Variants in EXO1 observed in about 807,000 individuals in gnomAD.
EXO1 encodes the protein exonuclease 1.
In EXO1, 69 loss-of-function variants were observed where a neutral mutation model predicts 84.5. That is an observed-to-expected ratio of 0.82 (90% CI 0.67 to 1.00). EXO1 has a LOEUF of 1.00. EXO1 is among the 50% of genes least tolerant of loss of function. The probability of loss-of-function intolerance (pLI) is 0.00; values close to 1 mark genes in which losing one functional copy is unlikely to be tolerated. For missense variants in EXO1, 1,045 were observed against 1,000.7 expected (o/e 1.04, Z -0.60); for synonymous variants, 373 against 366.1 (o/e 1.02, Z -0.21).
chr1:241,859,283 G>A (rs1661240520), intron 8 of EXO1, among the ~76,000 whole-genome samples: 1 of 152,090 alleles, frequency 6.6e-6, no homozygotes, highest in Non-Finnish European at 1.5e-5. Context: ...ATACATTTAT[G>A]CAAATCTCTT....
chr1:241,852,602 C>T (rs931404060), intron 5 of EXO1, among the ~76,000 whole-genome samples, 191 bp downstream of exon 5: 36 of 152,162 alleles, frequency 2.4e-4, no homozygotes, highest in African/African-American at 8.4e-4. Context: ...CTATGATCAT[C>T]GCTGTGAAGA....
chr1:241,875,186 A>G (rs918494075), intron 12 of EXO1, among the ~76,000 whole-genome samples: 1 of 151,964 alleles, frequency 6.6e-6, no homozygotes, highest in Non-Finnish European at 1.5e-5. Context: ...ATGTTTTTAG[A>G]AGAAATGGGG....
intron 6 of EXO1, among the ~76,000 whole-genome samples, chr1:241,855,939 C>T (rs1490125973): frequency 6.6e-6 from 1 of 152,172 alleles, no homozygotes; most frequent in African/African-American, 2.4e-5. Flanking sequence ...CGCGCAGCCC[C>T]AGTTCTCGCT....
chr1:241,848,910 A>G lies in EXO1; in HGVS notation c.-240A>G, dbSNP rs1660497654. On this transcript the variant is annotated 5_prime_UTR_variant, in exon 2 of 16. Coordinates refer to ENST00000366548, the MANE Select transcript of EXO1 (RefSeq NM_130398.4). The surrounding 1 kb of genome is among the most constrained non-coding windows in gnomAD (Gnocchi z 4.2). ...TCAGCCATTCTTACTACGCTAAAGA[A>G]GAAATAATTATTCGAGGATATTTGC... 1 of 152,234 alleles carries G rather than the reference A, an allele frequency of 6.6e-6. No individual in the cohort carries two copies. Among genetic ancestry groups the G allele is most frequent in the Non-Finnish European group, 1.5e-5 (1 of 68,050 alleles). 9.4% of individuals were successfully genotyped at this position (152,234 alleles called of 1,614,324 possible). A position where few individuals can be genotyped will look rare whatever the true frequency, so the allele number is the denominator to read the frequency against.
chr1:241,852,515 T>C, intron 5 of EXO1, 104 bp downstream of exon 5: 1 of 1,073,610 alleles, frequency 9.3e-7, no homozygotes, highest in Non-Finnish European at 1.4e-6. Flanking sequence ...CTCAGTGGCT[T>C]GCACCTGTTG....
At chr1:241,854,309 G>C (rs1660836452) in intron 6 of EXO1, among the ~76,000 whole-genome samples, 1 of 152,114 alleles carries the variant, frequency 6.6e-6, no homozygotes, top group South Asian at 2.1e-4. Context: ...GGCTACTTTT[G>C]TATTTTTAGT....
At chr1:241,888,197 G>C (rs892733733) in intron 15 of EXO1, among the ~76,000 whole-genome samples, 1 of 152,016 alleles carries the variant, frequency 6.6e-6, no homozygotes, top group Admixed American at 6.6e-5. Context: ...CTGAGATTGC[G>C]GCACTGCACT....
chr1:241,875,814 G>C (rs957326425), intron 12 of EXO1, among the ~76,000 whole-genome samples: 3 of 152,214 alleles, frequency 2.0e-5, no homozygotes, highest in Admixed American at 6.5e-5. Flanking sequence ...GGAGGCGGAG[G>C]TTGCAGTGAG....
chr1:241,860,799 CATTA>C, intron 9 of EXO1, 95 bp downstream of exon 9: 1 of 997,368 alleles, frequency 1.0e-6, no homozygotes, highest in Non-Finnish European at 1.6e-6. Context: ...AAAGCTTGCA[CATTA>C]TTTTTTGCTC....
chr1:241,854,059 T>C (rs1226039845), intron 6 of EXO1, among the ~76,000 whole-genome samples: 4 of 152,164 alleles, frequency 2.6e-5, no homozygotes, highest in African/African-American at 9.7e-5. Flanking sequence ...CTGTAAATCT[T>C]AGTGTCAAGG....
intron 12 of EXO1, among the ~76,000 whole-genome samples, chr1:241,875,697 TGAAA>T (rs1172009025): frequency 6.6e-6 from 1 of 152,018 alleles, no homozygotes; most frequent in African/African-American, 2.4e-5. Context: ...GCTAACATGG[TGAAA>T]CCCCATCTCT....
chr1:241,882,696 A>G (rs1167266149), intron 14 of EXO1, among the ~76,000 whole-genome samples: 3 of 152,154 alleles, frequency 2.0e-5, no homozygotes, highest in South Asian at 2.1e-4. Flanking sequence ...GTTGATTAAT[A>G]TGTGTTTAAC....
Position 241,889,728 on chromosome 1 carries a change from AT to A in EXO1, c.*132del, listed in dbSNP as rs4150021. On this transcript the variant is annotated 3_prime_UTR_variant, in exon 16 of 16. Transcript: ENST00000366548. ...CTGTGCCATTTTAAAAATAGAATAC[AT>A]TTTGTATATTAACTTTATAATTGGG... 158,839 of 893,028 alleles carry A rather than the reference AT, an allele frequency of 0.18. 16,922 individuals carry two copies. The highest frequency in any genetic ancestry group is 0.42 in the East Asian group (16,432 of 39,330). 55.3% of individuals were successfully genotyped at this position (893,028 alleles called of 1,614,324 possible).
chr1:241,883,533 G>A (rs1397494744), intron 14 of EXO1, among the ~76,000 whole-genome samples: 2 of 152,144 alleles, frequency 1.3e-5, no homozygotes, highest in Non-Finnish European at 2.9e-5. Context: ...TAGGAGTTAA[G>A]GGGTTAGGAC....
chr1:241,850,707 T>A, intron 4 of EXO1, 121 bp downstream of exon 4: 1 of 829,108 alleles, frequency 1.2e-6, no homozygotes. Flanking sequence ...AAGTAAAAGT[T>A]GTATGTTTTA....
Position 241,852,445 on chromosome 1 carries a change from T to C in EXO1, c.281+34T>C, listed in dbSNP as rs528301976. 3.8e-6 allele frequency: 6 copies of C among 1,580,860 alleles called. No individual in the cohort carries two copies. The African/African-American group carries it at 6.7e-5, about 18-fold the overall frequency. ...ATTCTCTACTTAATCTCTAACTTCA[T>C]TGCACTAAGGTCAGACACTGTAGTC... On this transcript the variant is annotated intron_variant, in intron 5 of 15. Coordinates refer to ENST00000366548, the MANE Select transcript of EXO1 (RefSeq NM_130398.4).
At chr1:241,850,187 A>G (rs1215521271) in intron 3 of EXO1, among the ~76,000 whole-genome samples, 1 of 151,894 alleles carries the variant, frequency 6.6e-6, no homozygotes, top group Non-Finnish European at 1.5e-5. Flanking sequence ...AGGCTGAGGC[A>G]GGAGAATGGC....
intron 14 of EXO1, among the ~76,000 whole-genome samples, chr1:241,883,927 C>T (rs1662907125): frequency 6.6e-6 from 1 of 152,088 alleles, no homozygotes; most frequent in African/African-American, 2.4e-5. Flanking sequence ...TATTATTATT[C>T]TCAGACATTT....
rs2797599 is a variant in EXO1, at chr1:241,869,142, C to T, written c.1267+2087C>T. Among the ~76,000 whole-genome samples, 1,332 of 152,236 alleles carry T rather than the reference C, an allele frequency of 8.7e-3. 16 individuals carry two copies. The highest frequency in any genetic ancestry group is 0.014 in the Non-Finnish European group (966 of 68,026). Reference sequence around the variant, plus strand: ...TGAACTGCCTGATTTCAAGATTATACTGCCTGACTTCAAGATTTCCTATGA... The same window carrying T: ...TGAACTGCCTGATTTCAAGATTATATTGCCTGACTTCAAGATTTCCTATGA... On this transcript the variant is annotated intron_variant, in intron 11 of 15. Coordinates refer to ENST00000366548, the MANE Select transcript of EXO1 (RefSeq NM_130398.4).
Sources: gnomAD v4.1 joint callset for allele counts (sites outside exome capture counted in the v4.1 genomes callset) on GRCh38, gnomAD v4.1.1 for gene constraint, Gnocchi (gnomAD v3.1) non-coding constraint, MANE v1.5 for transcripts, NCBI Gene and HGNC (gene_info 2026-07-23, HGNC 2026-07-21) for gene names.